The following ORC3 variants were observed in gnomAD, a reference collection of about 807,000 sequenced individuals.
ORC3 encodes origin recognition complex subunit 3.
In ORC3, 78 loss-of-function variants were observed where a neutral mutation model predicts 100.7. The observed-to-expected ratio is 0.77, with a 90% confidence interval of 0.65 to 0.94. The LOEUF (loss-of-function observed/expected upper bound fraction) is 0.94. ORC3 is among the 40% of genes least tolerant of loss of function. The pLI is 0.00. For synonymous variants in ORC3, 295 were observed against 289.3 expected, an observed-to-expected ratio of 1.02 and a Z score of -0.20; for missense variants, 789 against 823.9, an observed-to-expected ratio of 0.96 and a Z score of 0.52.
At position 87,594,469 on chromosome 6, in the gene ORC3, C is replaced by A. The variant is rs556152004; in HGVS notation, c.79+62C>A. Reference sequence around the variant, plus strand: ...CTTCTTAAACTATTAGGAACTAACCCTAATTGAATTTAGTAATTCTCTTGT... The same window carrying A: ...CTTCTTAAACTATTAGGAACTAACCATAATTGAATTTAGTAATTCTCTTGT... On this transcript the variant is annotated intron_variant, in intron 2 of 19. Coordinates refer to ENST00000392844, the MANE Select transcript of ORC3 (RefSeq NM_012381.4). 102 of 1,437,940 alleles carry A rather than the reference C, an allele frequency of 7.1e-5. 1 individual carries two copies. The highest frequency in any genetic ancestry group is 2.0e-4 in the Middle Eastern group (1 of 4,990). 89.1% of individuals were successfully genotyped at this position (1,437,940 alleles called of 1,614,324 possible). A position where few individuals can be genotyped will look rare whatever the true frequency, so the allele number is the denominator to read the frequency against.
chr6:87,600,739 G>A (rs1050214702), intron 2 of ORC3, among the ~76,000 whole-genome samples: 4 of 152,070 alleles, frequency 2.6e-5, no homozygotes, highest in African/African-American at 4.8e-5. Flanking sequence ...CAATAAAGGA[G>A]GGTTTTTCAA....
Position 87,601,836 on chromosome 6 carries a change from C to T in ORC3, c.132C>T (p.Phe44=), listed in dbSNP as rs371874111. The part of the protein sequence containing the change: ...KNEPEDSKLR[F]ETYQLIWQQM... ...AGCCTGAGGACAGTAAGCTTCGATT[C>T]GAAACTTATCAGTTGATATGGCAGC... is the stretch of plus-strand genomic sequence containing the variant. The change falls in exon 3 of 20, where the codon TTC becomes TTT. Residue 44 remains phenylalanine, a synonymous_variant. Coordinates refer to ENST00000392844, the MANE Select transcript of ORC3 (RefSeq NM_012381.4). 45 of 1,611,488 alleles carry T rather than the reference C, an allele frequency of 2.8e-5. No individual in the cohort carries two copies. The African/African-American group carries it at 4.4e-4, about 16-fold the overall frequency.
chr6:87,610,556 A>T (rs6903344), intron 7 of ORC3, among the ~76,000 whole-genome samples: 20,989 of 130,888 alleles, frequency 0.16, 2,601 homozygotes, highest in African/African-American at 0.28. Context: ...TTTATTTTTT[A>T]TTTTTTTTGA....
At chr6:87,638,234 G>A (rs1046285022) in intron 13 of ORC3, among the ~76,000 whole-genome samples, 43 of 152,204 alleles carry the variant, frequency 2.8e-4, no homozygotes, top group African/African-American at 1.0e-3. Context: ...AGGACAGGCA[G>A]GAGTCTGGGT....
intron 13 of ORC3, among the ~76,000 whole-genome samples, chr6:87,645,413 C>T (rs1768683441): frequency 6.6e-6 from 1 of 152,150 alleles, no homozygotes; most frequent in South Asian, 2.1e-4. Context: ...TGTTATCATC[C>T]TACATAATTG....
chr6:87,602,952 A>ATTT (rs569461374), intron 3 of ORC3, among the ~76,000 whole-genome samples: 2,047 of 112,076 alleles, frequency 0.018, 49 homozygotes, highest in African/African-American at 0.031. Flanking sequence ...ATACACATAT[A>ATTT]TAATATATAT....
At chr6:87,629,845 GCCT>G (rs1201557077) in intron 11 of ORC3, among the ~76,000 whole-genome samples, 1 of 152,060 alleles carries the variant, frequency 6.6e-6, no homozygotes, top group Non-Finnish European at 1.5e-5. Flanking sequence ...TAGGATACTG[GCCT>G]CCTGCTCCAT....
the ORC3 span, among the ~76,000 whole-genome samples, chr6:87,677,282 A>C: frequency 2.0e-5 from 3 of 152,212 alleles, no homozygotes; most frequent in Admixed American, 1.3e-4. Context: ...TCTTCTCTAC[A>C]TTAACACCTC....
chr6:87,666,682 G>A (rs1203088625), intron 19 of ORC3, among the ~76,000 whole-genome samples: 1 of 151,794 alleles, frequency 6.6e-6, no homozygotes, highest in East Asian at 1.9e-4. Context: ...TAGGTGATCT[G>A]CCTGCCTCGG....
chr6:87,613,421 C>T (rs1021771839), intron 8 of ORC3, among the ~76,000 whole-genome samples: 1 of 152,174 alleles, frequency 6.6e-6, no homozygotes, highest in Non-Finnish European at 1.5e-5. Flanking sequence ...GGGGACACAA[C>T]CAAACCATAT....
chr6:87,593,763 C>T (rs1272652542), intron 1 of ORC3, among the ~76,000 whole-genome samples: 1 of 152,250 alleles, frequency 6.6e-6, no homozygotes, highest in East Asian at 1.9e-4. Context: ...ATGGCACGAT[C>T]TCAGCCCACT....
chr6:87,666,373 G>A (rs1447344434), intron 19 of ORC3, among the ~76,000 whole-genome samples: 6 of 147,094 alleles, frequency 4.1e-5, no homozygotes, highest in South Asian at 2.1e-4. Context: ...CTTGTGATCC[G>A]CCCGCCTTGG....
intron 13 of ORC3, chr6:87,651,038 T>G (rs1163513471): frequency 2.6e-6 from 1 of 384,428 alleles, no homozygotes; most frequent in African/African-American, 2.1e-5. Flanking sequence ...ATAAGAGGAC[T>G]AATAACTATT....
intron 1 of ORC3, among the ~76,000 whole-genome samples, chr6:87,591,732 T>G (rs1776999251): frequency 6.6e-6 from 1 of 152,186 alleles, no homozygotes; most frequent in Non-Finnish European, 1.5e-5. Flanking sequence ...TTTTTTCTTT[T>G]TCTTTTCTTT....
chr6:87,600,169 A>T (rs1481501931), intron 2 of ORC3, among the ~76,000 whole-genome samples: 2 of 152,206 alleles, frequency 1.3e-5, no homozygotes, highest in Non-Finnish European at 2.9e-5. Context: ...CATGAAGTGA[A>T]TTTATATTCC....
chr6:87,676,335 G>A, the ORC3 span, among the ~76,000 whole-genome samples: 1,913 of 148,932 alleles, frequency 0.013, 47 homozygotes, highest in African/African-American at 0.045. Flanking sequence ...CATGGTGGCA[G>A]GCCGCCTGTA....
At chr6:87,676,482 C>A in the ORC3 span, among the ~76,000 whole-genome samples, 4 of 116,834 alleles carry the variant, frequency 3.4e-5, 1 homozygote, top group South Asian at 1.1e-3. Flanking sequence ...CGAGGCCGGG[C>A]GCGGTGGCTC....
At chr6:87,611,109 G>A (rs1778734005) in intron 7 of ORC3, among the ~76,000 whole-genome samples, 1 of 151,410 alleles carries the variant, frequency 6.6e-6, no homozygotes, top group East Asian at 1.9e-4. Flanking sequence ...GCTAATTTTT[G>A]TATTTTTTGT....
At chr6:87,676,373 G>A in the ORC3 span, among the ~76,000 whole-genome samples, 5 of 147,312 alleles carry the variant, frequency 3.4e-5, no homozygotes, top group African/African-American at 1.3e-4. Context: ...GGCTGAGGCA[G>A]GAGAATGGCG....
Sources: gnomAD v4.1 joint callset for allele counts (sites outside exome capture counted in the v4.1 genomes callset) on GRCh38, gnomAD v4.1.1 for gene constraint, MANE v1.5 for transcripts, NCBI Gene and HGNC (gene_info 2026-07-23, HGNC 2026-07-21) for gene names.